STK3: variants seen among roughly 807,000 people sequenced by gnomAD.
STK3 encodes the protein serine/threonine-protein kinase 3.
Under a neutral mutation model 58.0 loss-of-function variants are expected in STK3, and 41 were observed. The observed-to-expected ratio is 0.71, with a 90% confidence interval of 0.55 to 0.92. STK3 has a LOEUF of 0.92. Among genes scored for constraint, STK3 ranks in the 40% least tolerant of loss-of-function variants. STK3 has a pLI of 0.00. For missense variants in STK3, 479 were observed against 602.7 expected (o/e 0.79, Z 2.15); for synonymous variants, 170 against 191.0 (o/e 0.89, Z 0.91).
intron 6 of STK3, among the ~76,000 whole-genome samples, chr8:98,635,021 G>A (rs1182235581): frequency 1.3e-5 from 2 of 151,946 alleles, no homozygotes; most frequent in East Asian, 3.9e-4. Context: ...ACGTGAGCCT[G>A]TAAAGTTCCA....
intron 3 of STK3, among the ~76,000 whole-genome samples, chr8:98,760,852 A>T (rs933933481): frequency 6.6e-6 from 1 of 152,068 alleles, no homozygotes. Flanking sequence ...ACAACTCAAA[A>T]TAGAAAGAGT....
intron 3 of STK3, chr8:98,875,473 C>A (rs1837533502): frequency 6.6e-6 from 1 of 152,210 alleles, no homozygotes; most frequent in African/African-American, 2.4e-5. Flanking sequence ...TTTTTAAACA[C>A]AAGCATCTAA....
chr8:98,640,657 C>A (rs1178448178), intron 6 of STK3, among the ~76,000 whole-genome samples: 2 of 151,810 alleles, frequency 1.3e-5, no homozygotes, highest in African/African-American at 4.8e-5. Flanking sequence ...TCCAAAGCAC[C>A]TACTTGAAAG....
chr8:98,389,732 G>C (rs1158012960), upstream of STK3, among the ~76,000 whole-genome samples: 2 of 149,894 alleles, frequency 1.3e-5, no homozygotes, highest in African/African-American at 4.9e-5. Context: ...AACTCTGATT[G>C]GTCTGGCTTG....
chr8:98,426,520 G>T (rs1323329075), intron 3 of STK3, among the ~76,000 whole-genome samples: 1 of 149,840 alleles, frequency 6.7e-6, no homozygotes, highest in East Asian at 2.0e-4. Flanking sequence ...CCCGCCCCCC[G>T]CGTACTAAGC....
At chr8:98,605,244 C>T (rs1413352780) in intron 6 of STK3, among the ~76,000 whole-genome samples, 1 of 152,076 alleles carries the variant, frequency 6.6e-6, no homozygotes, top group Non-Finnish European at 1.5e-5. Flanking sequence ...CTCCTTGGCA[C>T]TGATTTTCTG....
chr8:98,652,440 C>G lies in STK3; in HGVS notation c.684+54027G>C, dbSNP rs998805108. ...TGCATCAACTAACGAGCAAAATAAC[C>G]AGCTAACATCATCATGACAGGATCA... On this transcript the variant is annotated intron_variant, in intron 6 of 10. Coordinates refer to ENST00000419617, the MANE Select transcript of STK3 (RefSeq NM_006281.4). Among the ~76,000 whole-genome samples, 5 of 151,962 alleles carry G rather than the reference C, an allele frequency of 3.3e-5. No homozygotes were observed. In the East Asian group the frequency reaches 7.7e-4, roughly 23 times the overall value.
At chr8:98,819,261 G>C (rs1288975186) in intron 1 of STK3, among the ~76,000 whole-genome samples, 5 of 151,996 alleles carry the variant, frequency 3.3e-5, no homozygotes. Context: ...TAAATGTGTG[G>C]GTCTGTACTG....
intron 7 of STK3, among the ~76,000 whole-genome samples, chr8:98,590,582 C>T (rs1237691682): frequency 2.0e-5 from 3 of 152,214 alleles, no homozygotes; most frequent in Admixed American, 2.0e-4. Flanking sequence ...GGGGATTGAT[C>T]TCCCAAGGGA....
At chr8:98,828,611 AGAGAGG>A (rs1835415935), upstream of STK3, among the ~76,000 whole-genome samples, 2 of 152,010 alleles carry the variant, frequency 1.3e-5, no homozygotes, top group Non-Finnish European at 2.9e-5. Context: ...AGAAAGAGAG[AGAGAGG>A]GAGGGAGGGA....
At chr8:98,574,125 T>C (rs1282018632) in intron 8 of STK3, among the ~76,000 whole-genome samples, 1 of 152,132 alleles carries the variant, frequency 6.6e-6, no homozygotes, top group Non-Finnish European at 1.5e-5. Flanking sequence ...ATATCAACTG[T>C]TGGCTATAGG....
intron 1 of STK3, among the ~76,000 whole-genome samples, chr8:98,802,080 G>A (rs1425712577): frequency 1.3e-5 from 2 of 152,172 alleles, no homozygotes; most frequent in African/African-American, 2.4e-5. Flanking sequence ...GCTGAGGCAG[G>A]AGAATCCCTT....
intron 3 of STK3, chr8:98,432,077 T>C (rs1818342339): frequency 6.0e-6 from 1 of 167,012 alleles, no homozygotes; most frequent in Non-Finnish European, 1.5e-5. Flanking sequence ...CTCACTAAGG[T>C]TTGAAGTTTA....
the STK3 span, among the ~76,000 whole-genome samples, chr8:98,355,071 G>A: frequency 3.9e-5 from 6 of 152,284 alleles, no homozygotes; most frequent in East Asian, 1.9e-4. Flanking sequence ...ATGAGCCACC[G>A]CAACCTGCCA....
chr8:98,608,761 T>C (rs549506993), intron 6 of STK3, among the ~76,000 whole-genome samples: 1 of 152,292 alleles, frequency 6.6e-6, no homozygotes, highest in Non-Finnish European at 1.5e-5. Flanking sequence ...TGAGCATAGC[T>C]TGATGCAGTA....
downstream of STK3, chr8:98,878,895 C>CTTTTTTTTTTT: frequency 9.2e-6 from 1 of 108,626 alleles, no homozygotes; most frequent in Non-Finnish European, 1.9e-5. Flanking sequence ...TTTCTTTTTT[C>CTTTTTTTTTTT]TTTTTTTTTT....
intron 3 of STK3, among the ~76,000 whole-genome samples, chr8:98,859,499 C>A (rs1196784061): frequency 6.6e-6 from 1 of 152,070 alleles, no homozygotes; most frequent in East Asian, 1.9e-4. Context: ...GGAATCTAGG[C>A]GTCACTGAGG....
intron 6 of STK3, among the ~76,000 whole-genome samples, chr8:98,641,869 T>A (rs1376522408): frequency 6.6e-6 from 1 of 152,182 alleles, no homozygotes; most frequent in Non-Finnish European, 1.5e-5. Context: ...TGAGAACAGA[T>A]ATGCCCAATA....
At chr8:98,431,194 T>C (rs1008538026) in intron 3 of STK3, 16 of 167,090 alleles carry the variant, frequency 9.6e-5, no homozygotes, top group Admixed American at 3.3e-4. Context: ...TCAGAAGGCT[T>C]TGTGTTCTTG....
Sources: allele counts gnomAD v4.1 joint callset (sites outside exome capture counted in the v4.1 genomes callset), GRCh38; gene constraint gnomAD v4.1.1; transcripts MANE v1.5; gene names NCBI Gene and HGNC (gene_info 2026-07-23, HGNC 2026-07-21).